The following KREMEN1 variants were observed in gnomAD, a reference collection of about 807,000 sequenced individuals.
The protein encoded by KREMEN1 is kringle containing transmembrane protein 1.
A neutral mutation model predicts 46.5 loss-of-function variants in KREMEN1; 30 were observed. The observed-to-expected ratio is 0.65, with a 90% CI of 0.48 to 0.88. The LOEUF is 0.88. Among genes scored for constraint, KREMEN1 ranks in the 40% least tolerant of loss-of-function variants. The pLI, the probability that KREMEN1 is intolerant of heterozygous loss-of-function variation, is 0.00. For synonymous variants in KREMEN1, 214 were observed against 230.6 expected (o/e 0.93, Z 0.65); for missense variants, 533 against 596.9 (o/e 0.89, Z 1.11).
At chr22:29,106,140 T>C (rs1601774091) in intron 3 of KREMEN1, among the ~76,000 whole-genome samples, 2 of 152,356 alleles carry the variant, frequency 1.3e-5, no homozygotes. Context: ...TGTGTTTTAA[T>C]GTCAGCACTG....
At chr22:29,086,344 A>G (rs1299067016) in intron 1 of KREMEN1, among the ~76,000 whole-genome samples, 1 of 152,054 alleles carries the variant, frequency 6.6e-6, no homozygotes. Flanking sequence ...TTTCCCCTTT[A>G]TTGCACTGAT....
At position 29,146,148 on chromosome 22, in the gene KREMEN1, C is replaced by T. The variant is rs754510847; in HGVS notation, c.*4036C>T. ...TGGCACCGTTAGGTTTCAGATCTCC[C>T]GTGTGGTGTTTGATGTCGGCTTTTG... On this transcript the variant is annotated 3_prime_UTR_variant, in exon 9 of 9. Transcript: ENST00000400335. 3.9e-5 allele frequency: 38 copies of T among 985,844 alleles called. No homozygotes were observed. The Admixed American group carries it at 8.6e-4, about 22-fold the overall frequency. 61.1% of individuals were successfully genotyped at this position (985,844 alleles called of 1,614,324 possible). A position where few individuals can be genotyped will look rare whatever the true frequency, so the allele number is the denominator to read the frequency against.
chr22:29,084,230 G>T (rs529351011), intron 1 of KREMEN1, among the ~76,000 whole-genome samples: 95 of 152,132 alleles, frequency 6.2e-4, no homozygotes, highest in African/African-American at 2.1e-3. Context: ...GGGGGTTTTG[G>T]CTGGCTTCTT....
intron 1 of KREMEN1, among the ~76,000 whole-genome samples, chr22:29,087,072 A>G (rs134639): frequency 0.64 from 96,694 of 151,988 alleles, 30,960 homozygotes; most frequent in Middle Eastern, 0.77. Context: ...TATTAAAAAA[A>G]GCATTTATAC....
rs1478276374 is a variant in KREMEN1, at chr22:29,073,200, C to T, written c.70C>T (p.Pro24Ser). ...AALTLAARPAPSPGLGPGPEC... is the reference protein window; with the variant it reads ...AALTLAARPASSPGLGPGPEC... ...GCTCACGCTGGCGGCCCGGCCCGCG[C>T]CTAGCCCCGGCCTCGGCCCCGGACC... is the stretch of plus-strand genomic sequence containing the variant. Residue 24 changes from proline (P) to serine (S), a missense_variant, in exon 1 of 9, where the codon CCT becomes TCT. By Grantham distance (74) the Pro-to-Ser change is moderately conservative (BLOSUM62 -1). Coordinates refer to ENST00000400335, the MANE Select transcript of KREMEN1 (RefSeq NM_001039570.3). The surrounding 1 kb of genome is among the most constrained non-coding windows in gnomAD (Gnocchi z 4.4). 2.5e-6 allele frequency: 3 copies of T among 1,189,902 alleles called. No homozygotes were observed. Among genetic ancestry groups the T allele is most frequent in the Non-Finnish European group, 2.1e-6 (2 of 963,070 alleles). 73.7% of individuals were successfully genotyped at this position (1,189,902 alleles called of 1,614,324 possible).
At chr22:29,103,771 A>G (rs2038009631) in intron 3 of KREMEN1, among the ~76,000 whole-genome samples, 1 of 152,238 alleles carries the variant, frequency 6.6e-6, no homozygotes, top group Non-Finnish European at 1.5e-5. Context: ...CAGACTGAGT[A>G]TTAGATTATA....
chr22:29,142,469 C>T lies in KREMEN1; in HGVS notation c.*357C>T. ...GCTCAGGTACATTCTAGATGGCTGT[C>T]AGGTGGTGGGTAGCTTTAGTTACAT... On this transcript the variant is annotated 3_prime_UTR_variant, in exon 9 of 9. Coordinates refer to ENST00000400335, the MANE Select transcript of KREMEN1 (RefSeq NM_001039570.3). 2 of 1,028,354 alleles carry T rather than the reference C, an allele frequency of 1.9e-6. No individual in the cohort carries two copies. The highest frequency in any genetic ancestry group is 2.3e-6 in the Non-Finnish European group (2 of 858,808). 63.7% of individuals were successfully genotyped at this position (1,028,354 alleles called of 1,614,324 possible).
chr22:29,091,251 G>T (rs1435776767), intron 1 of KREMEN1, among the ~76,000 whole-genome samples: 1 of 152,188 alleles, frequency 6.6e-6, no homozygotes, highest in East Asian at 1.9e-4. Flanking sequence ...GGGATTACAG[G>T]CTTGAGCCAC....
At chr22:29,150,645 A>C (rs559075888), downstream of KREMEN1, among the ~76,000 whole-genome samples, 1 of 152,296 alleles carries the variant, frequency 6.6e-6, no homozygotes, top group South Asian at 2.1e-4. Context: ...CTGGTACCTA[A>C]GATAGAGATT....
chr22:29,097,071 G>A (rs1042951176), intron 2 of KREMEN1, among the ~76,000 whole-genome samples: 7 of 152,252 alleles, frequency 4.6e-5, no homozygotes, highest in Admixed American at 6.5e-5. Context: ...GAAACAAAAG[G>A]ACGCTTTGTA....
chr22:29,126,495 C>G (rs758202875), intron 5 of KREMEN1, among the ~76,000 whole-genome samples: 6 of 152,028 alleles, frequency 3.9e-5, no homozygotes, highest in Non-Finnish European at 5.9e-5. Context: ...CATCTTCCCT[C>G]TGTGTGTGTC....
rs2038577613 is a variant in KREMEN1 at position 29,132,364 on chromosome 22, G to T, written c.632-4978G>T. Among the ~76,000 whole-genome samples, 3 of 152,274 alleles carry T rather than the reference G, an allele frequency of 2.0e-5. No homozygotes were observed. The South Asian group carries it at 6.2e-4, about 32-fold the overall frequency. On this transcript the variant is annotated intron_variant, in intron 5 of 8. Coordinates refer to ENST00000400335, the MANE Select transcript of KREMEN1 (RefSeq NM_001039570.3). ...ACAGGTGCTTATGTGGACATATGTT[G>T]TCATTTCTCTTGGGTACCTACCTAG...
At chr22:29,118,585 CAG>C (rs773320256) in intron 3 of KREMEN1, among the ~76,000 whole-genome samples, 1 of 152,132 alleles carries the variant, frequency 6.6e-6, no homozygotes, top group Non-Finnish European at 1.5e-5. Flanking sequence ...CTTCTTGCTG[CAG>C]AGAGAGAGGG....
chr22:29,140,192 C>A (rs2038738194), intron 7 of KREMEN1, 90 bp from the exon 8 acceptor site: 3 of 965,902 alleles, frequency 3.1e-6, no homozygotes, highest in Middle Eastern at 2.1e-4. Flanking sequence ...AGCCCCTCAG[C>A]CAGACTTACT....
At chr22:29,080,941 C>CTTTTTTTTTTTTTTTTTTTTTTT in intron 1 of KREMEN1, among the ~76,000 whole-genome samples, 1 of 112,276 alleles carries the variant, frequency 8.9e-6, no homozygotes, top group Non-Finnish European at 1.8e-5. Flanking sequence ...TTTTTTTGTC[C>CTTTTTTTTTTTTTTTTTTTTTTT]TTTTTTTTTT....
chr22:29,075,828 T>A lies in KREMEN1; in HGVS notation c.97+2601T>A, dbSNP rs927795547. 1.8e-4 allele frequency among the ~76,000 whole-genome samples: 28 copies of A among 152,236 alleles called. 1 individual carries two copies. The highest frequency in any genetic ancestry group is 1.7e-3 in the Admixed American group (26 of 15,280). ...TTGTGGATGGAAAAAATTATTTCAA[T>A]ATTTATATTCTGCACAATTTTGTAA... On this transcript the variant is annotated intron_variant, in intron 1 of 8. Transcript: ENST00000400335.
At chr22:29,130,633 C>G (rs956112680) in intron 5 of KREMEN1, among the ~76,000 whole-genome samples, 2 of 152,146 alleles carry the variant, frequency 1.3e-5, no homozygotes, top group African/African-American at 4.8e-5. Flanking sequence ...ATTATCATTC[C>G]TGTCTAGAAG....
In KREMEN1 at chr22:29,073,085, C is replaced by T. The variant is rs1200063678; in HGVS notation, c.-46C>T. ...TGGCCGCCCCCGGCTCCCCGCGCTGCCCCCTTTACCCCGGGCCGCGCCCCG... is the reference window on the plus strand; with the variant it reads ...TGGCCGCCCCCGGCTCCCCGCGCTGTCCCCTTTACCCCGGGCCGCGCCCCG... On this transcript the variant is annotated 5_prime_UTR_variant, in exon 1 of 9. Coordinates refer to ENST00000400335, the MANE Select transcript of KREMEN1 (RefSeq NM_001039570.3). This position sits in a 1 kb window ranked among gnomAD's most constrained non-coding sequence, Gnocchi z 4.4. 2 of 578,356 alleles carry T rather than the reference C, an allele frequency of 3.5e-6. No individual in the cohort carries two copies. Among genetic ancestry groups the T allele is most frequent in the Non-Finnish European group, 4.4e-6 (2 of 457,820 alleles). 35.8% of individuals were successfully genotyped at this position (578,356 alleles called of 1,614,324 possible).
rs141855725 is a variant in KREMEN1, at chr22:29,115,345, A to G, written c.353-6012A>G. On this transcript the variant is annotated intron_variant, in intron 3 of 8. Coordinates refer to ENST00000400335, the MANE Select transcript of KREMEN1 (RefSeq NM_001039570.3). The stretch of plus-strand genomic sequence containing the variant: ...AAATTGAGTGCAGTGTATACTGCTC[A>G]GGTGATGGGTGCACCAAAATCTCAC... 1.0e-3 allele frequency among the ~76,000 whole-genome samples: 159 copies of G among 152,294 alleles called. 2 individuals are homozygous for G. Among genetic ancestry groups the G allele is most frequent in the East Asian group, 6.8e-3 (35 of 5,178 alleles).
Sources: allele counts gnomAD v4.1 joint callset (sites outside exome capture counted in the v4.1 genomes callset), GRCh38; gene constraint gnomAD v4.1.1; non-coding constraint Gnocchi (gnomAD v3.1); transcripts MANE v1.5; gene names NCBI Gene and HGNC (gene_info 2026-07-23, HGNC 2026-07-21).